Variants in TTC39B observed in about 807,000 individuals in gnomAD.
TTC39B encodes the protein tetratricopeptide repeat domain 39B, also known as tetratricopeptide repeat protein 39B.
A neutral mutation model predicts 96.6 loss-of-function variants in TTC39B; 92 were observed. The observed-to-expected ratio is 0.95, with a 90% CI of 0.80 to 1.13. The LOEUF (loss-of-function observed/expected upper bound fraction) is 1.13. Among genes scored for constraint, TTC39B ranks in the 50% most tolerant of loss-of-function variants. The probability of loss-of-function intolerance (pLI) is 0.00; values close to 1 mark genes in which losing one functional copy is unlikely to be tolerated. For synonymous variants in TTC39B, 367 were observed against 299.4 expected, an observed-to-expected ratio of 1.23 and a Z score of -2.33; for missense variants, 955 against 809.3, an observed-to-expected ratio of 1.18 and a Z score of -2.18.
Position 15,198,832 on chromosome 9 carries a change from T to C in TTC39B, c.824+1029A>G, listed in dbSNP as rs558673133. Among the ~76,000 whole-genome samples, 264 of 152,076 alleles carry C rather than the reference T, an allele frequency of 1.7e-3. 1 individual carries two copies. Among genetic ancestry groups the C allele is most frequent in the Non-Finnish European group, 3.3e-3 (222 of 67,970 alleles). On this transcript the variant is annotated intron_variant, in intron 8 of 19. Coordinates refer to ENST00000512701, the Ensembl canonical transcript of TTC39B. ...TACAATTTAAATATGAAAACAAAAATAGGTTTAAAGTAAAAGAATATATCC... is the reference window on the plus strand; with the variant it reads ...TACAATTTAAATATGAAAACAAAAACAGGTTTAAAGTAAAAGAATATATCC...
At chr9:15,274,787 A>C (rs1043891717) in intron 1 of TTC39B, among the ~76,000 whole-genome samples, 3 of 152,198 alleles carry the variant, frequency 2.0e-5, no homozygotes, top group Admixed American at 2.0e-4. Context: ...TAATTTTTTT[A>C]GATTTTTTTA....
intron 1 of TTC39B, among the ~76,000 whole-genome samples, chr9:15,296,239 A>G (rs1824371273): frequency 6.6e-6 from 1 of 152,236 alleles, no homozygotes; most frequent in South Asian, 2.1e-4. Flanking sequence ...GTCCGAAGGT[A>G]AAAGTCTATG....
At chr9:15,279,676 G>A (rs1261337462) in intron 1 of TTC39B, among the ~76,000 whole-genome samples, 3 of 152,130 alleles carry the variant, frequency 2.0e-5, no homozygotes, top group African/African-American at 7.2e-5. Flanking sequence ...AGGTACTCGT[G>A]AGTGGCACTG....
chr9:15,192,489 C>A (rs111553990), intron 9 of TTC39B, 101 bp downstream of exon 9: 55 of 883,324 alleles, frequency 6.2e-5, no homozygotes, highest in Non-Finnish European at 8.0e-5. Flanking sequence ...TCAACCAACC[C>A]AAGGAAAGGT....
chr9:15,285,746 T>A (rs1312331467), intron 1 of TTC39B, among the ~76,000 whole-genome samples: 2 of 151,624 alleles, frequency 1.3e-5, no homozygotes, highest in African/African-American at 2.4e-5. Context: ...TCCCAGCTAC[T>A]CAGGAGGCTG....
chr9:15,245,672 T>C (rs1363052292), intron 2 of TTC39B, among the ~76,000 whole-genome samples: 1 of 152,142 alleles, frequency 6.6e-6, no homozygotes, highest in Non-Finnish European at 1.5e-5. Context: ...CAAGTCTTGG[T>C]TTCATACTTT....
intron 8 of TTC39B, among the ~76,000 whole-genome samples, chr9:15,196,860 A>G (rs1234940814): frequency 1.3e-5 from 2 of 152,192 alleles, no homozygotes; most frequent in East Asian, 3.9e-4. Flanking sequence ...AAAAGTCAAT[A>G]GGTATGGCAA....
intron 2 of TTC39B, among the ~76,000 whole-genome samples, chr9:15,237,748 T>C (rs1821852214): frequency 6.6e-6 from 1 of 150,890 alleles, no homozygotes; most frequent in South Asian, 2.1e-4. Flanking sequence ...TTAGTGAAAC[T>C]ATTACAAAAA....
rs181778153 is a variant in TTC39B, at chr9:15,289,054, C to T, written c.240+18030G>A. On this transcript the variant is annotated intron_variant, in intron 1 of 19. Coordinates refer to ENST00000512701, the Ensembl canonical transcript of TTC39B. ...ATTATCCTTATTTTTGTGAATGTTC[C>T]TTATCTACCCCAGGTAGCAAGTTGC... 2.6e-5 allele frequency among the ~76,000 whole-genome samples: 4 copies of T among 152,312 alleles called. No homozygotes were observed. In the East Asian group the frequency reaches 7.7e-4, roughly 29 times the overall value.
chr9:15,226,520 A>T (rs1821132319), intron 2 of TTC39B, among the ~76,000 whole-genome samples: 1 of 152,218 alleles, frequency 6.6e-6, no homozygotes, highest in Admixed American at 6.5e-5. Flanking sequence ...ATTTTCAGGC[A>T]TGTAGGTTAC....
intron 8 of TTC39B, among the ~76,000 whole-genome samples, chr9:15,198,461 A>AATATATAT (rs61517681): frequency 1.7e-3 from 197 of 117,344 alleles, no homozygotes; most frequent in Middle Eastern, 4.7e-3. Flanking sequence ...CGGTCGCAAA[A>AATATATAT]ATATATATAT....
intron 2 of TTC39B, among the ~76,000 whole-genome samples, chr9:15,233,287 C>A (rs546458203): frequency 6.6e-6 from 1 of 152,120 alleles, no homozygotes; most frequent in Non-Finnish European, 1.5e-5. Flanking sequence ...GCCATGACAC[C>A]GGAACACACG....
chr9:15,185,037 A>G (rs1248746831), intron 16 of TTC39B, among the ~76,000 whole-genome samples: 1 of 152,270 alleles, frequency 6.6e-6, no homozygotes, highest in Non-Finnish European at 1.5e-5. Context: ...TCAAAAAGTT[A>G]TAAGAATAAA....
exon 20 of TTC39B, chr9:15,166,754 G>T (rs1430363322): frequency 8.6e-5 from 13 of 151,260 alleles, no homozygotes; most frequent in South Asian, 2.1e-4. Context: ...GGAAGGACTA[G>T]GATAAGAAAT....
intron 1 of TTC39B, among the ~76,000 whole-genome samples, chr9:15,280,960 G>A (rs1178966196): frequency 1.3e-5 from 2 of 152,080 alleles, no homozygotes; most frequent in Non-Finnish European, 2.9e-5. Context: ...TTGAAAAGAT[G>A]AAAACAATGC....
chr9:15,272,775 C>G (rs1292642788), intron 1 of TTC39B, among the ~76,000 whole-genome samples: 1 of 152,192 alleles, frequency 6.6e-6, no homozygotes, highest in East Asian at 1.9e-4. Flanking sequence ...TCATGGTTAG[C>G]TAACTAACTG....
At chr9:15,278,063 G>T (rs1181061355) in intron 1 of TTC39B, among the ~76,000 whole-genome samples, 1 of 152,148 alleles carries the variant, frequency 6.6e-6, no homozygotes, top group Admixed American at 6.5e-5. Context: ...AGATTAGAGA[G>T]CTAAAAAAGA....
intron 7 of TTC39B, among the ~76,000 whole-genome samples, chr9:15,202,812 T>C (rs1452704710): frequency 6.6e-6 from 1 of 151,962 alleles, no homozygotes; most frequent in Non-Finnish European, 1.5e-5. Context: ...TTACAATCTC[T>C]ACCCCACCTC....
intron 3 of TTC39B, among the ~76,000 whole-genome samples, chr9:15,216,914 G>C (rs13301310): frequency 6.6e-5 from 10 of 152,178 alleles, no homozygotes; most frequent in Non-Finnish European, 1.5e-4. Context: ...GGGATAAGTG[G>C]TCTGGAAGAG....
Sources: gnomAD v4.1 joint callset for allele counts (sites outside exome capture counted in the v4.1 genomes callset) on GRCh38, gnomAD v4.1.1 for gene constraint, MANE v1.5 for transcripts, NCBI Gene and HGNC (gene_info 2026-07-23, HGNC 2026-07-21) for gene names.